Variants in MPPED1 observed in about 807,000 individuals in gnomAD.
MPPED1 encodes metallophosphoesterase domain-containing protein 1.
A neutral mutation model predicts 36.2 loss-of-function variants in MPPED1; 16 were observed. The observed-to-expected ratio is 0.44, with a 90% CI of 0.30 to 0.67. MPPED1 has a LOEUF of 0.67. MPPED1 is among the 30% of genes least tolerant of loss of function. MPPED1 has a pLI of 0.10. For missense variants in MPPED1, 307 were observed against 453.4 expected, an observed-to-expected ratio of 0.68 and a Z score of 2.93; for synonymous variants, 199 against 191.3, an observed-to-expected ratio of 1.04 and a Z score of -0.33.
chr22:43,442,377 C>T (rs1207912371), intron 3 of MPPED1, among the ~76,000 whole-genome samples: 3 of 152,024 alleles, frequency 2.0e-5, no homozygotes, highest in African/African-American at 7.2e-5. Context: ...CTCGCTCTTC[C>T]TCCCTTTCCT....
intron 5 of MPPED1, among the ~76,000 whole-genome samples, chr22:43,500,246 A>G (rs1424890587): frequency 4.3e-3 from 109 of 25,418 alleles, no homozygotes; most frequent in Admixed American, 7.9e-3. Flanking sequence ...TGGAGGTGGC[A>G]GTGATGATGG....
At chr22:43,460,940 T>C (rs1465853104) in intron 3 of MPPED1, among the ~76,000 whole-genome samples, 1 of 152,254 alleles carries the variant, frequency 6.6e-6, no homozygotes, top group Non-Finnish European at 1.5e-5. Flanking sequence ...TTGGTTGGCC[T>C]CTTGTTTGCC....
At chr22:43,443,256 T>C (rs1930216155) in intron 3 of MPPED1, among the ~76,000 whole-genome samples, 1 of 152,184 alleles carries the variant, frequency 6.6e-6, no homozygotes, top group South Asian at 2.1e-4. Context: ...CCTGGGCCGC[T>C]GACCAGCTGG....
At chr22:43,492,094 G>A (rs1439215464) in intron 4 of MPPED1, among the ~76,000 whole-genome samples, 1 of 151,852 alleles carries the variant, frequency 6.6e-6, no homozygotes, top group African/African-American at 2.4e-5. Flanking sequence ...GAGGTGATGG[G>A]GATGATGAAC....
rs185123409 is a variant in MPPED1, at chr22:43,484,300, C to G, written c.632+9339C>G. ...AAGGCAGGATGATCTCCATTCCCAT[C>G]TTACAGATGGGTCAGGTAAGGCTTG... On this transcript the variant is annotated intron_variant, in intron 4 of 6. Transcript: ENST00000443721. Among the ~76,000 whole-genome samples the G allele has an allele frequency of 2.3e-3, 349 of 152,362 alleles. 1 individual carries two copies. Among genetic ancestry groups the G allele is most frequent in the African/African-American group, 7.5e-3 (311 of 41,580 alleles).
chr22:43,497,929 G>GTGTGTATA (rs1555904565), intron 4 of MPPED1, among the ~76,000 whole-genome samples: 1 of 48,758 alleles, frequency 2.1e-5, no homozygotes, highest in Non-Finnish European at 5.2e-5. Context: ...ATATATATAT[G>GTGTGTATA]TATATGTATA....
chr22:43,420,446 C>A (rs1217898875), intron 1 of MPPED1, among the ~76,000 whole-genome samples: 1 of 151,812 alleles, frequency 6.6e-6, no homozygotes, highest in Non-Finnish European at 1.5e-5. Flanking sequence ...ACTCTGTTAC[C>A]CAGGCTGGAG....
intron 4 of MPPED1, among the ~76,000 whole-genome samples, chr22:43,491,164 CT>C (rs1932069781): frequency 6.6e-6 from 1 of 152,172 alleles, no homozygotes; most frequent in African/African-American, 2.4e-5. Context: ...TTGAAAGACC[CT>C]GCTGTAGGCC....
chr22:43,464,952 G>A (rs1178424845), intron 3 of MPPED1, among the ~76,000 whole-genome samples: 1 of 152,130 alleles, frequency 6.6e-6, no homozygotes, highest in East Asian at 1.9e-4. Context: ...TCCTATACAA[G>A]GGCCCCTTGG....
At chr22:43,500,196 G>GTGGTGGTGA (rs1414223888) in intron 5 of MPPED1, among the ~76,000 whole-genome samples, 2,148 of 51,968 alleles carry the variant, frequency 0.041, 215 homozygotes, top group Non-Finnish European at 0.057. Flanking sequence ...GGTGATGGAG[G>GTGGTGGTGA]TGGTAATGGA....
At chr22:43,499,158 C>T (rs138370028) in intron 5 of MPPED1, among the ~76,000 whole-genome samples, 2,618 of 121,742 alleles carry the variant, frequency 0.022, 48 homozygotes, top group Non-Finnish European at 0.03. Context: ...ATGGTGGTGA[C>T]GGAGGTGATG....
chr22:43,486,846 G>T (rs1287433910), intron 4 of MPPED1, among the ~76,000 whole-genome samples: 1 of 152,094 alleles, frequency 6.6e-6, no homozygotes, highest in Non-Finnish European at 1.5e-5. Context: ...CTGTAAAATG[G>T]ACACGTAAGT....
At chr22:43,487,107 C>T (rs1026081725) in intron 4 of MPPED1, among the ~76,000 whole-genome samples, 14 of 152,082 alleles carry the variant, frequency 9.2e-5, no homozygotes, top group African/African-American at 2.9e-4. Context: ...CATTCATGGC[C>T]GTCTTGAGCA....
intron 1 of MPPED1, among the ~76,000 whole-genome samples, chr22:43,420,207 A>G (rs1929216549): frequency 6.6e-6 from 1 of 152,050 alleles, no homozygotes; most frequent in South Asian, 2.1e-4. Context: ...TTTAATGGGA[A>G]CCCTTCTTTC....
At chr22:43,444,039 T>C (rs1201160998) in intron 3 of MPPED1, among the ~76,000 whole-genome samples, 3 of 152,110 alleles carry the variant, frequency 2.0e-5, no homozygotes, top group African/African-American at 7.2e-5. Flanking sequence ...AAATTAATTT[T>C]CTATATTCTT....
intron 1 of MPPED1, chr22:43,418,420 A>G (rs1032657013): frequency 3.8e-5 from 12 of 314,828 alleles, no homozygotes; most frequent in Admixed American, 2.5e-4. Flanking sequence ...GAGAGGGGCC[A>G]CCAGAATGAT....
chr22:43,498,385 C>T (rs1476253946), intron 5 of MPPED1, 35 bp downstream of exon 5: 2 of 1,499,180 alleles, frequency 1.3e-6, no homozygotes, highest in Non-Finnish European at 9.0e-7. Context: ...CCAGCTCGCC[C>T]ATCTGGGCTG....
chr22:43,480,810 CT>C (rs1931724669), intron 4 of MPPED1, among the ~76,000 whole-genome samples: 1 of 149,190 alleles, frequency 6.7e-6, no homozygotes, highest in Non-Finnish European at 1.5e-5. Context: ...AGACTTATTT[CT>C]TTTTCTTTTC....
Position 43,412,100 on chromosome 22 carries a change from C to T in MPPED1, c.-137C>T. ...CCTCCCTCCCGGGAGCCCCTGCCTC[C>T]CTCGGTGCGCGCTGCTGCTCGCAGC... On this transcript the variant is annotated 5_prime_UTR_variant, in exon 1 of 7. Coordinates refer to ENST00000443721, the MANE Select transcript of MPPED1 (RefSeq NM_001044370.2). 1.0e-6 allele frequency: 1 copy of T among 979,640 alleles called. No individual in the cohort carries two copies. Among genetic ancestry groups the T allele is most frequent in the Non-Finnish European group, 1.2e-6 (1 of 827,674 alleles). The allele number at this position is 979,640 out of a possible 1,614,324, so 60.7% of individuals were successfully genotyped here. A position where few individuals can be genotyped will look rare whatever the true frequency, so the allele number is the denominator to read the frequency against.
Sources: allele counts gnomAD v4.1 joint callset (sites outside exome capture counted in the v4.1 genomes callset), GRCh38; gene constraint gnomAD v4.1.1; transcripts MANE v1.5; gene names NCBI Gene and HGNC (gene_info 2026-07-23, HGNC 2026-07-21).